KAT6A: variants seen among roughly 807,000 people sequenced by gnomAD.
KAT6A encodes lysine acetyltransferase 6A, also known as histone acetyltransferase KAT6A.
A neutral mutation model predicts 198.4 loss-of-function variants in KAT6A; 9 were observed. That is an observed-to-expected ratio of 0.05 (90% confidence interval 0.03 to 0.08). The LOEUF (loss-of-function observed/expected upper bound fraction) is 0.08. KAT6A is among the 10% of genes least tolerant of loss of function. The pLI is 1.00. For missense variants in KAT6A, 2,077 were observed against 2,509.9 expected (o/e 0.83, Z 3.69); for synonymous variants, 890 against 883.0 (o/e 1.01, Z -0.14).
At chr8:41,992,366 T>C (rs1042269491) in intron 2 of KAT6A, among the ~76,000 whole-genome samples, 8 of 151,984 alleles carry the variant, frequency 5.3e-5, no homozygotes, top group South Asian at 2.1e-4. Context: ...TAAAAAGAAA[T>C]TGCAATAGGT....
At chr8:41,990,311 A>G (rs1020014246) in intron 2 of KAT6A, among the ~76,000 whole-genome samples, 1 of 152,242 alleles carries the variant, frequency 6.6e-6, no homozygotes, top group Non-Finnish European at 1.5e-5. Flanking sequence ...AGAAAAGAAG[A>G]TAAAAGATAT....
chr8:41,969,092 T>C (rs961923462), intron 8 of KAT6A, among the ~76,000 whole-genome samples: 3 of 152,194 alleles, frequency 2.0e-5, no homozygotes, highest in Non-Finnish European at 4.4e-5. Flanking sequence ...CCCCGTACCA[T>C]AGTTTCTAGA....
chr8:41,940,900 G>T lies in KAT6A; in HGVS notation c.2981C>A (p.Pro994Gln), dbSNP rs780456616. Residue 994 changes from proline to glutamine, a missense_variant, in exon 15 of 17, where the codon CCG becomes CAG. By Grantham distance (76) the Pro-to-Gln change is moderately conservative. Around this residue, in one of 13 missense-constraint regions of KAT6A, gnomAD observed 301 missense variants for 272.2 expected, o/e 1.11. Transcript: ENST00000265713. ...TGGCGAGCTTGACCGAGGGCTTTCC[G>T]GCTCCTCCTCCTCCTCGCTGCTCTC... is the stretch of plus-strand genomic sequence containing the variant. ...FSESSEEEEE[P>Q]ESPRSSSPPI... The T allele has an allele frequency of 6.2e-7, 1 of 1,613,988 alleles. No homozygotes were observed. The highest frequency in any genetic ancestry group is 8.5e-7 in the Non-Finnish European group (1 of 1,180,014).
intron 2 of KAT6A, chr8:42,043,374 T>C (rs1209612503): frequency 6.6e-6 from 1 of 152,208 alleles, no homozygotes; most frequent in African/African-American, 2.4e-5. Context: ...ATTAAAGCAC[T>C]CTGGTATAGC....
At chr8:42,023,145 C>T (rs1336808266) in intron 2 of KAT6A, among the ~76,000 whole-genome samples, 6 of 152,064 alleles carry the variant, frequency 3.9e-5, no homozygotes, top group Non-Finnish European at 5.9e-5. Context: ...AGAAAAGGAA[C>T]AGTAAAAATA....
intron 2 of KAT6A, among the ~76,000 whole-genome samples, chr8:42,023,845 T>A (rs867152576): frequency 2.6e-4 from 39 of 151,076 alleles, no homozygotes; most frequent in Non-Finnish European, 3.8e-4. Flanking sequence ...AAAAAAAAAA[T>A]TTTCTTTTAC....
chr8:41,950,065 T>C (rs770484162), intron 9 of KAT6A, among the ~76,000 whole-genome samples: 2 of 152,216 alleles, frequency 1.3e-5, no homozygotes, highest in Non-Finnish European at 2.9e-5. Context: ...CTTGTAATTA[T>C]ATTATTAGTA....
intron 2 of KAT6A, among the ~76,000 whole-genome samples, chr8:42,014,246 AT>A (rs1222642386): frequency 2.6e-5 from 4 of 152,196 alleles, no homozygotes; most frequent in Non-Finnish European, 5.9e-5. Flanking sequence ...GAGAAAAGAG[AT>A]GCCAGATATG....
chr8:41,942,039 A>C, intron 14 of KAT6A: 1 of 185,440 alleles, frequency 5.4e-6, no homozygotes, highest in Non-Finnish European at 1.1e-5. Context: ...AACTGCACTA[A>C]AGAGAGGCAT....
At chr8:42,024,706 T>C (rs1826710373) in intron 2 of KAT6A, among the ~76,000 whole-genome samples, 1 of 152,350 alleles carries the variant, frequency 6.6e-6, no homozygotes, top group African/African-American at 2.4e-5. Context: ...GGCTGGCTTA[T>C]ATCATTTAAA....
At chr8:41,950,458 C>A (rs1822608711) in intron 9 of KAT6A, among the ~76,000 whole-genome samples, 1 of 152,168 alleles carries the variant, frequency 6.6e-6, no homozygotes, top group South Asian at 2.1e-4. Flanking sequence ...ACGGGTGGCA[C>A]CTCCCTCCCT....
chr8:41,934,493 C>T lies in KAT6A; in HGVS notation c.3727G>A (p.Asp1243Asn). The change falls in exon 17 of 17, where the codon GAT becomes AAT. Residue 1243 changes from aspartate to asparagine, a missense_variant. Asp to Asn is a conservative substitution (Grantham distance 23). This residue lies in a region of KAT6A where 375 missense variants were observed against 383.0 expected (regional missense o/e 0.98). Coordinates refer to ENST00000265713, the MANE Select transcript of KAT6A (RefSeq NM_006766.5). ...GCTGGGACTTCACTGCTGGCTGCAT[C>T]CTCTTCCTCACCCTCTTCAGCCTCT... ...AEEAEEGEEE[D>N]AASSEVPAAS... 1 of 1,611,892 alleles carries T rather than the reference C, an allele frequency of 6.2e-7. No homozygotes were observed.
rs374631764 is a variant in KAT6A at position 41,934,653 on chromosome 8, A to G, written c.3567T>C (p.Ile1189=). ...CTTTAGGAATGGAAACGATGGGCTC[A>G]ATGACGCATGCTTGAGTAGAAACTG... ...IMPVSTQACV[I]EPIVSIPKAG... is the part of the protein sequence containing the mutation. Residue 1189 remains isoleucine (I), a synonymous_variant, in exon 17 of 17, where the codon ATT becomes ATC. Transcript: ENST00000265713. The G allele has an allele frequency of 2.5e-6, 4 of 1,614,028 alleles. No individual in the cohort carries two copies. In the African/African-American group the frequency reaches 4.0e-5, roughly 16 times the overall value.
At chr8:42,051,234 G>A (rs1308209334) in intron 1 of KAT6A, among the ~76,000 whole-genome samples, 1 of 151,942 alleles carries the variant, frequency 6.6e-6, no homozygotes, top group East Asian at 1.9e-4. Flanking sequence ...AAGCCGCGAG[G>A]TTGACAGGCG....
At chr8:41,999,320 T>C (rs1004384566) in intron 2 of KAT6A, among the ~76,000 whole-genome samples, 4 of 152,170 alleles carry the variant, frequency 2.6e-5, no homozygotes, top group African/African-American at 9.7e-5. Flanking sequence ...AGTGATACAT[T>C]TCCTCATTCA....
At chr8:41,988,442 A>AT (rs1358995562) in intron 2 of KAT6A, among the ~76,000 whole-genome samples, 1 of 152,234 alleles carries the variant, frequency 6.6e-6, no homozygotes, top group Non-Finnish European at 1.5e-5. Flanking sequence ...ACGAAAATAA[A>AT]TTTTTTTAAA....
At chr8:41,981,036 T>G in intron 4 of KAT6A, 109 bp from the exon 5 acceptor site, 1 of 809,614 alleles carries the variant, frequency 1.2e-6, no homozygotes, top group Non-Finnish European at 2.1e-6. Flanking sequence ...AAAAAAGAGA[T>G]AAGCCAGGCG....
chr8:41,967,280 T>TTTATTTATTTAC (rs1823552520), intron 8 of KAT6A, among the ~76,000 whole-genome samples: 1 of 148,662 alleles, frequency 6.7e-6, no homozygotes, highest in South Asian at 2.1e-4. Context: ...AAAAAATTTA[T>TTTATTTATTTAC]TTATTTATTT....
intron 9 of KAT6A, among the ~76,000 whole-genome samples, chr8:41,950,990 T>G (rs1335296834): frequency 1.3e-5 from 2 of 152,020 alleles, no homozygotes; most frequent in African/African-American, 4.8e-5. Flanking sequence ...TACAATTTAT[T>G]TCCTAAGATC....
Sources: allele counts gnomAD v4.1 joint callset (sites outside exome capture counted in the v4.1 genomes callset), GRCh38; gene constraint gnomAD v4.1.1; regional missense constraint gnomAD v4.1.1; transcripts MANE v1.5; gene names NCBI Gene and HGNC (gene_info 2026-07-23, HGNC 2026-07-21).